TICRR: variants seen among roughly 807,000 people sequenced by gnomAD.
The protein encoded by TICRR is treslin.
TICRR carries 132 observed loss-of-function variants against 178.1 expected under a neutral mutation model. That is an observed-to-expected ratio of 0.74 (90% CI 0.64 to 0.86). TICRR has a LOEUF of 0.86. Ranked by LOEUF, TICRR falls within the 40% of genes least tolerant of loss-of-function variation. The pLI is 0.00. For missense variants in TICRR, 2,587 were observed against 2,334.3 expected (o/e 1.11, Z -2.23); for synonymous variants, 991 against 900.7 (o/e 1.10, Z -1.79).
Position 89,594,379 on chromosome 15 carries a change from A to T in TICRR, c.1542-36A>T, listed in dbSNP as rs747643677. 3.2e-6 allele frequency: 5 copies of T among 1,549,882 alleles called. No homozygotes were observed. The South Asian group carries it at 6.1e-5, about 19-fold the overall frequency. Reference sequence around the variant, plus strand: ...TTTCTAAAGCATTTTGCAAAATTAGAATGTTGGTTTTATTCTAGACATCTT... The same window carrying T: ...TTTCTAAAGCATTTTGCAAAATTAGTATGTTGGTTTTATTCTAGACATCTT... On this transcript the variant is annotated intron_variant, in intron 5 of 21. Coordinates refer to ENST00000268138, the MANE Select transcript of TICRR (RefSeq NM_152259.4).
intron 2 of TICRR, among the ~76,000 whole-genome samples, chr15:89,583,817 G>T (rs911452129): frequency 6.8e-6 from 1 of 146,768 alleles, no homozygotes; most frequent in African/African-American, 2.4e-5. Flanking sequence ...CTCCCAAGTA[G>T]CTGGGACTAA....
rs774112387 is a variant in TICRR at position 89,623,637 on chromosome 15, T to G, written c.3327T>G (p.Ser1109Arg). ...VPAAYQTPKK[S>R]HQKSLSFSKT... ...TCTCTTTTCAGACTCCCAAGAAGAG[T>G]CACCAGAAATCTCTGAGCTTTTCTA... Residue 1109 changes from serine (S) to arginine (R), a missense_variant, in exon 20 of 22, where the codon AGT becomes AGG. Ser to Arg is a moderately radical substitution (Grantham distance 110). Coordinates refer to ENST00000268138, the MANE Select transcript of TICRR (RefSeq NM_152259.4). 6.2e-7 allele frequency: 1 copy of G among 1,605,282 alleles called. No homozygotes were observed. Among genetic ancestry groups the G allele is most frequent in the South Asian group, 1.1e-5 (1 of 89,378 alleles).
chr15:89,602,823 C>T lies in TICRR; in HGVS notation c.2595C>T (p.Ser865=). 6.6e-7 allele frequency: 1 copy of T among 1,513,338 alleles called. No individual in the cohort carries two copies. Among genetic ancestry groups the T allele is most frequent in the Non-Finnish European group, 8.8e-7 (1 of 1,130,784 alleles). The allele number at this position is 1,513,338 out of a possible 1,614,324, so 93.7% of individuals were successfully genotyped here. Residue 865 remains serine, a synonymous_variant, in exon 13 of 22, where the codon AGC becomes AGT. Coordinates refer to ENST00000268138, the MANE Select transcript of TICRR (RefSeq NM_152259.4). ...AAAATGCATTAATAAGACATAAAAG[C>T]ATTGCTGAGGTTTCACAGAATCTTC... ...RRKNALIRHK[S]IAEVSQNLRQ...
At chr15:89,595,984 C>T (rs778992957) in intron 7 of TICRR, among the ~76,000 whole-genome samples, 34 of 151,844 alleles carry the variant, frequency 2.2e-4, no homozygotes, top group Admixed American at 2.6e-4. Context: ...TGGGACAGAA[C>T]ACCTTTAGTG....
chr15:89,624,676 C>G lies in TICRR; in HGVS notation c.4366C>G (p.Leu1456Val). The G allele has an allele frequency of 6.2e-7, 1 of 1,614,076 alleles. No individual in the cohort carries two copies. Among genetic ancestry groups the G allele is most frequent in the Non-Finnish European group, 8.5e-7 (1 of 1,180,040 alleles). The change falls in exon 20 of 22, where the codon CTC becomes GTC. Residue 1456 changes from leucine (L) to valine (V), a missense_variant. Physicochemically the swap from Leu to Val is conservative, Grantham distance 32. Transcript: ENST00000268138. ...TGATTGGCATGCATCCTCTCCTCTG[C>G]TCATTACAAGTGACACAGAGCATGT... ...RSDWHASSPL[L>V]ITSDTEHVTL... is the part of the protein sequence containing the mutation.
chr15:89,577,866 C>T (rs944958272), intron 1 of TICRR, among the ~76,000 whole-genome samples: 5 of 151,754 alleles, frequency 3.3e-5, no homozygotes, highest in Admixed American at 2.0e-4. Flanking sequence ...CAACCTCAGC[C>T]TCCCAAAGTG....
chr15:89,584,923 G>A (rs1243713000), intron 3 of TICRR, among the ~76,000 whole-genome samples: 1 of 152,168 alleles, frequency 6.6e-6, no homozygotes, highest in Non-Finnish European at 1.5e-5. Context: ...TAATAGTTGT[G>A]TAACTATATA....
At chr15:89,616,188 A>G (rs1028996135) in intron 15 of TICRR, among the ~76,000 whole-genome samples, 9 of 152,094 alleles carry the variant, frequency 5.9e-5, no homozygotes, top group African/African-American at 2.2e-4. Flanking sequence ...CCCAGCCTAT[A>G]TTTACATTGT....
chr15:89,589,672 C>T (rs549380706), intron 4 of TICRR, among the ~76,000 whole-genome samples: 130 of 152,300 alleles, frequency 8.5e-4, no homozygotes, highest in Non-Finnish European at 1.3e-3. Context: ...TGTAATATAA[C>T]AGCAAATGCA....
rs1251789632 is a variant in TICRR at position 89,601,397 on chromosome 15, T to C, written c.2247+6T>C. On this transcript the variant is annotated splice_donor_region_variant and intron_variant, in intron 10 of 21. Transcript: ENST00000268138. ...TGGAACAAGTAGTGGAGGAGGCAAGTATATAGTTTCGTGCCATTGAAATAC... is the reference window on the plus strand; with the variant it reads ...TGGAACAAGTAGTGGAGGAGGCAAGCATATAGTTTCGTGCCATTGAAATAC... 6.2e-7 allele frequency: 1 copy of C among 1,613,638 alleles called. No individual in the cohort carries two copies. Among genetic ancestry groups the C allele is most frequent in the East Asian group, 2.2e-5 (1 of 44,876 alleles).
intron 1 of TICRR, among the ~76,000 whole-genome samples, chr15:89,578,673 TAGC>T (rs929143443): frequency 2.6e-5 from 4 of 150,970 alleles, no homozygotes; most frequent in Non-Finnish European, 5.9e-5. Flanking sequence ...TTTTTTTGAA[TAGC>T]ATTGAAATAA....
At chr15:89,601,218 AATAG>A (rs2141965284) in intron 9 of TICRR, 76 bp from the exon 10 acceptor site, 2 of 1,259,590 alleles carry the variant, frequency 1.6e-6, no homozygotes, top group South Asian at 2.6e-5. Flanking sequence ...GTCTTATATA[AATAG>A]ATCTATGCTT....
intron 15 of TICRR, among the ~76,000 whole-genome samples, chr15:89,612,725 T>G (rs1356122069): frequency 5.9e-5 from 9 of 152,230 alleles, no homozygotes; most frequent in Admixed American, 5.9e-4. Context: ...TAGAGCTTTC[T>G]TCTCCATCAT....
rs147564898 is a variant in TICRR, at chr15:89,585,858, C to T, written c.1327C>T (p.Arg443Trp). 4.8e-5 allele frequency: 78 copies of T among 1,614,084 alleles called. No individual in the cohort carries two copies. The East Asian group carries it at 1.3e-3, about 28-fold the overall frequency. The change falls in exon 4 of 22, where the codon CGG (arginine) becomes TGG (tryptophan). Residue 443 changes from arginine to tryptophan, a missense_variant. Arg to Trp is a moderately radical substitution (Grantham distance 101). Transcript: ENST00000268138. The stretch of plus-strand genomic sequence containing the variant: ...CCAAACAGCTGTGGCTGACAGCCCC[C>T]GGGACACAGCTTCCCTTTTCTCAGA... Reference protein sequence around the residue: ...VLQTAVADSPRDTASLFSDVV... With the variant: ...VLQTAVADSPWDTASLFSDVV...
intron 18 of TICRR, among the ~76,000 whole-genome samples, chr15:89,620,859 A>T (rs968334404): frequency 2.0e-5 from 3 of 151,658 alleles, no homozygotes; most frequent in Non-Finnish European, 4.4e-5. Flanking sequence ...AGTAGCTGGG[A>T]CTACAGGCGC....
chr15:89,625,886 C>T, intron 20 of TICRR, 50 bp from the exon 21 acceptor site: 1 of 1,542,944 alleles, frequency 6.5e-7, no homozygotes, highest in Non-Finnish European at 8.7e-7. Flanking sequence ...GCCTGGGCTT[C>T]CCGGTTGGGG....
Position 89,602,873 on chromosome 15 carries a change from CAA to C in TICRR, c.2647_2648del (p.Lys883GlufsTer52). On this transcript the variant is annotated frameshift_variant, in exon 13 of 22. Transcript: ENST00000268138. LOFTEE classifies it high-confidence loss of function. ...CGACAAATTGAAATTCCTAAAGTGT[CAA>C]AGAGAGCTACGAAAAAAGTAAGTAA... 1 of 1,523,372 alleles carries C rather than the reference CAA, an allele frequency of 6.6e-7. No individual in the cohort carries two copies. The highest frequency in any genetic ancestry group is 8.8e-7 in the Non-Finnish European group (1 of 1,135,508). 94.4% of individuals were successfully genotyped at this position (1,523,372 alleles called of 1,614,324 possible).
chr15:89,618,356 A>AT, intron 17 of TICRR, 146 bp downstream of exon 17: 1 of 742,874 alleles, frequency 1.3e-6, no homozygotes, highest in Non-Finnish European at 2.3e-6. Flanking sequence ...GTAAATATTT[A>AT]TAAGTGAATG....
In TICRR at chr15:89,585,639, TA is replaced by T. The variant is rs994441662; in HGVS notation, c.1177-68del. On this transcript the variant is annotated intron_variant, in intron 3 of 21. Transcript: ENST00000268138. ...TTGGGAAAATGGTTATTCTGTCTTTTAGTACACTACATTCTTCTTTAGGCAT... is the reference window on the plus strand; with the variant it reads ...TTGGGAAAATGGTTATTCTGTCTTTTGTACACTACATTCTTCTTTAGGCAT... The T allele has an allele frequency of 1.2e-4, 123 of 1,060,448 alleles. No individual in the cohort carries two copies. In the Admixed American group the frequency reaches 2.3e-3, roughly 20 times the overall value. 65.7% of individuals were successfully genotyped at this position (1,060,448 alleles called of 1,614,324 possible). A position where few individuals can be genotyped will look rare whatever the true frequency, so the allele number is the denominator to read the frequency against.
Sources: allele counts gnomAD v4.1 joint callset (sites outside exome capture counted in the v4.1 genomes callset), GRCh38; gene constraint gnomAD v4.1.1; transcripts MANE v1.5; gene names NCBI Gene and HGNC (gene_info 2026-07-23, HGNC 2026-07-21).